MATCAP2: variants seen among roughly 807,000 people sequenced by gnomAD.
MATCAP2 encodes the protein microtubule associated tyrosine carboxypeptidase 2.
the MATCAP2 span, chr7:36,333,891 C>G: frequency 1.2e-6 from 2 of 1,613,792 alleles, no homozygotes; most frequent in South Asian, 1.1e-5. Flanking sequence ...CCTCTTGGCC[C>G]GTACACAATA....
the MATCAP2 span, among the ~76,000 whole-genome samples, chr7:36,337,098 CAA>C: frequency 2.8e-3 from 52 of 18,514 alleles, no homozygotes; most frequent in African/African-American, 5.2e-3. Flanking sequence ...AACTCCATCT[CAA>C]AAAAAAAAAA....
At chr7:36,367,094 G>A in the MATCAP2 span, 16 of 1,250,112 alleles carry the variant, frequency 1.3e-5, no homozygotes, top group African/African-American at 2.5e-4. Flanking sequence ...GGAGGGTAAG[G>A]GCGGACGAAG....
At chr7:36,349,312 A>G in the MATCAP2 span, among the ~76,000 whole-genome samples, 2 of 152,238 alleles carry the variant, frequency 1.3e-5, no homozygotes, top group African/African-American at 2.4e-5. Flanking sequence ...GACTAGGACC[A>G]GATTGCAATA....
chr7:36,379,813 T>TACACACACACACAC, the MATCAP2 span, among the ~76,000 whole-genome samples: 1 of 124,312 alleles, frequency 8.0e-6, no homozygotes, highest in African/African-American at 3.1e-5. Context: ...CAATGGTAAG[T>TACACACACACACAC]ACACACACAC....
the MATCAP2 span, among the ~76,000 whole-genome samples, chr7:36,380,470 C>A: frequency 2.7e-3 from 415 of 152,172 alleles, 1 homozygote; most frequent in Non-Finnish European, 4.6e-3. Context: ...GTTGAGCAAG[C>A]CAGGAAAACA....
At chr7:36,382,345 T>TTTGCATGGG in the MATCAP2 span, among the ~76,000 whole-genome samples, 1 of 151,250 alleles carries the variant, frequency 6.6e-6, no homozygotes, top group Non-Finnish European at 1.5e-5. Flanking sequence ...AAAATGTCTG[T>TTTGCATGGG]TTGCATGGGA....
chr7:36,348,702 A>C, the MATCAP2 span, among the ~76,000 whole-genome samples: 1 of 152,210 alleles, frequency 6.6e-6, no homozygotes, highest in Admixed American at 6.5e-5. Context: ...AACAGATCCA[A>C]TGTAGTAATA....
chr7:36,387,461 T>A, the MATCAP2 span, among the ~76,000 whole-genome samples: 2 of 152,190 alleles, frequency 1.3e-5, no homozygotes, highest in South Asian at 2.1e-4. Flanking sequence ...ACACAATTTT[T>A]AAAAAGATAA....
chr7:36,331,136 T>C, the MATCAP2 span: 1 of 984,542 alleles, frequency 1.0e-6, no homozygotes, highest in Non-Finnish European at 1.6e-6. Flanking sequence ...ACTAAGTAGA[T>C]ATCAACCCAT....
At chr7:36,381,830 T>C in the MATCAP2 span, among the ~76,000 whole-genome samples, 2 of 152,050 alleles carry the variant, frequency 1.3e-5, no homozygotes. Context: ...AGAGTGAAAG[T>C]GTATGTCCTG....
the MATCAP2 span, among the ~76,000 whole-genome samples, chr7:36,389,063 G>GA: frequency 1.3e-5 from 2 of 152,144 alleles, no homozygotes; most frequent in African/African-American, 4.8e-5. Flanking sequence ...AGCAGCACCT[G>GA]AAACACAAGG....
At chr7:36,334,209 T>C in the MATCAP2 span, 2 of 1,461,724 alleles carry the variant, frequency 1.4e-6, no homozygotes, top group South Asian at 1.3e-5. Context: ...CCATTCTTGT[T>C]TTAATTCTTC....
the MATCAP2 span, among the ~76,000 whole-genome samples, chr7:36,343,637 AAAG>A: frequency 2.3e-4 from 4 of 17,244 alleles, no homozygotes; most frequent in Admixed American, 2.0e-3. Flanking sequence ...AAGAAAAGAA[AAAG>A]AAAAAGAAAA....
At chr7:36,381,944 A>G in the MATCAP2 span, among the ~76,000 whole-genome samples, 2 of 152,190 alleles carry the variant, frequency 1.3e-5, no homozygotes, top group Non-Finnish European at 2.9e-5. Flanking sequence ...CACTAAATTC[A>G]TGACAGACAT....
chr7:36,336,009 T>C, the MATCAP2 span: 1 of 453,880 alleles, frequency 2.2e-6, no homozygotes, highest in Non-Finnish European at 3.5e-6. Context: ...GAGGCGGAGG[T>C]TGCAGTGAGC....
the MATCAP2 span, chr7:36,357,205 A>C: frequency 6.2e-7 from 1 of 1,614,056 alleles, no homozygotes; most frequent in African/African-American, 1.3e-5. Flanking sequence ...TAACAGAGAT[A>C]TCATGTGTAA....
chr7:36,382,832 T>C, the MATCAP2 span, among the ~76,000 whole-genome samples: 1 of 152,206 alleles, frequency 6.6e-6, no homozygotes, highest in African/African-American at 2.4e-5. Flanking sequence ...AAAAGAAAAG[T>C]TACCAATATA....
At chr7:36,330,737 T>C in the MATCAP2 span, among the ~76,000 whole-genome samples, 2 of 152,214 alleles carry the variant, frequency 1.3e-5, no homozygotes, top group African/African-American at 4.8e-5. Context: ...TATACACAAA[T>C]ACAAATAAAA....
the MATCAP2 span, among the ~76,000 whole-genome samples, chr7:36,349,542 A>AC: frequency 1.3e-5 from 2 of 151,912 alleles, no homozygotes; most frequent in South Asian, 2.1e-4. Context: ...CCCACCCCAC[A>AC]CCTTATACCC....
Sources: gnomAD v4.1 joint callset for allele counts (sites outside exome capture counted in the v4.1 genomes callset) on GRCh38, gnomAD v4.1.1 for gene constraint, MANE v1.5 for transcripts, NCBI Gene and HGNC (gene_info 2026-07-23, HGNC 2026-07-21) for gene names.